SEC13: variants seen among roughly 807,000 people sequenced by gnomAD.
SEC13 encodes the protein protein SEC13 homolog.
In SEC13, 25 loss-of-function variants were observed where a neutral mutation model predicts 49.2. The observed-to-expected ratio is 0.51, with a 90% confidence interval of 0.37 to 0.71. SEC13 has a LOEUF of 0.71. SEC13 is among the 30% of genes least tolerant of loss of function. The probability of loss-of-function intolerance (pLI) is 0.00; values close to 1 mark genes in which losing one functional copy is unlikely to be tolerated. For missense variants in SEC13, 383 were observed against 417.6 expected (o/e 0.92, Z 0.72); for synonymous variants, 148 against 163.9 (o/e 0.90, Z 0.74).
chr3:10,313,285 T>A (rs1701397771), intron 3 of SEC13: 1 of 354,586 alleles, frequency 2.8e-6, no homozygotes, highest in Non-Finnish European at 6.2e-6. Context: ...GTGCCAGGCT[T>A]TGTACGGTGA....
At chr3:10,307,523 A>G (rs1176708021) in intron 5 of SEC13, among the ~76,000 whole-genome samples, 1 of 143,740 alleles carries the variant, frequency 7.0e-6, no homozygotes, top group Non-Finnish European at 1.6e-5. Context: ...CAATCATGGC[A>G]GAAGGCAAGG....
chr3:10,312,149 A>T (rs1303822555), intron 4 of SEC13, 51 bp from the exon 5 acceptor site: 12 of 1,535,100 alleles, frequency 7.8e-6, no homozygotes, highest in Non-Finnish European at 9.7e-6. Context: ...CCGCGGCCCC[A>T]GGTCCCGCCT....
intron 1 of SEC13, 73 bp from the exon 2 acceptor site, chr3:10,318,167 ATTTG>A: frequency 9.8e-7 from 1 of 1,023,098 alleles, no homozygotes; most frequent in Non-Finnish European, 1.5e-6. Context: ...TCTTGACTGC[ATTTG>A]TTTGTTCACT....
intron 6 of SEC13, 177 bp downstream of exon 6, chr3:10,305,382 T>G: frequency 9.8e-7 from 1 of 1,021,852 alleles, no homozygotes; most frequent in East Asian, 2.5e-5. Flanking sequence ...GGGAATTAGG[T>G]GAACAGGTGT....
At chr3:10,307,409 G>A (rs1352073053) in intron 5 of SEC13, among the ~76,000 whole-genome samples, 1 of 151,938 alleles carries the variant, frequency 6.6e-6, no homozygotes, top group Non-Finnish European at 1.5e-5. Flanking sequence ...GGGTGTGTTA[G>A]TCCATTTTCA....
intron 3 of SEC13, 75 bp from the exon 4 acceptor site, chr3:10,312,805 C>A: frequency 6.9e-7 from 1 of 1,453,336 alleles, no homozygotes. Flanking sequence ...CTAAATGGCT[C>A]CCTGAGACGA....
At chr3:10,302,224 C>T (rs1026830130) in intron 8 of SEC13, among the ~76,000 whole-genome samples, 5 of 152,076 alleles carry the variant, frequency 3.3e-5, no homozygotes, top group African/African-American at 9.7e-5. Flanking sequence ...GACGACAGAG[C>T]GAGACTCGAT....
chr3:10,312,156 G>C (rs1388005265), intron 4 of SEC13, 58 bp from the exon 5 acceptor site: 15 of 1,521,740 alleles, frequency 9.9e-6, no homozygotes, highest in Non-Finnish European at 1.3e-5. Flanking sequence ...CCCAGGTCCC[G>C]CCTTCCACAG....
At chr3:10,311,928 G>A (rs1359378577) in intron 5 of SEC13, 37 bp downstream of exon 5, 4 of 1,614,098 alleles carry the variant, frequency 2.5e-6, no homozygotes, top group South Asian at 2.2e-5. Flanking sequence ...GGCAAGGCAG[G>A]CGCTCTCACT....
intron 3 of SEC13, chr3:10,314,804 T>C (rs1459372546): frequency 6.5e-6 from 1 of 153,380 alleles, no homozygotes; most frequent in Non-Finnish European, 1.5e-5. Flanking sequence ...GGCAGAACAA[T>C]GGGATTTATA....
intron 1 of SEC13, among the ~76,000 whole-genome samples, chr3:10,320,136 A>C (rs753820858): frequency 1.3e-5 from 2 of 152,108 alleles, no homozygotes; most frequent in South Asian, 4.2e-4. Context: ...TTAAAAATTC[A>C]TTTAGGATGA....
rs780204207 is a variant in SEC13 at position 10,311,958 on chromosome 3, G to C, written c.450+7C>G. 6.8e-6 allele frequency: 11 copies of C among 1,614,106 alleles called. No individual in the cohort carries two copies. The highest frequency in any genetic ancestry group is 1.7e-5 in the Admixed American group (1 of 60,004). ...CTCACTGCACGAAAGGCAGGGGATG[G>C]ACTCACGGTGTGAGCGTTGTTGATC... On this transcript the variant is annotated splice_region_variant and intron_variant, in intron 5 of 8. Transcript: ENST00000350697.
At chr3:10,306,774 C>T (rs1700902692) in intron 5 of SEC13, among the ~76,000 whole-genome samples, 1 of 152,224 alleles carries the variant, frequency 6.6e-6, no homozygotes, top group South Asian at 2.1e-4. Context: ...TTTTTCTGCA[C>T]AAGCTCTCTC....
intron 5 of SEC13, among the ~76,000 whole-genome samples, chr3:10,308,433 T>A (rs560277868): frequency 6.6e-6 from 1 of 152,386 alleles, no homozygotes; most frequent in African/African-American, 2.4e-5. Context: ...GCTCGCAGTA[T>A]TTCCAAAGTA....
chr3:10,310,855 C>A (rs993641055), intron 5 of SEC13, among the ~76,000 whole-genome samples: 17 of 152,082 alleles, frequency 1.1e-4, no homozygotes, highest in Non-Finnish European at 2.9e-5. Flanking sequence ...TCTATATTCA[C>A]AATGGAGTAT....
chr3:10,304,225 T>C, intron 7 of SEC13, 53 bp from the exon 8 acceptor site: 1 of 1,591,106 alleles, frequency 6.3e-7, no homozygotes, highest in East Asian at 2.2e-5. Flanking sequence ...CCTGCGTTTG[T>C]GATGTGATGT....
chr3:10,313,709 G>A (rs539323373), intron 3 of SEC13: 1 of 192,930 alleles, frequency 5.2e-6, no homozygotes, highest in South Asian at 1.0e-4. Flanking sequence ...AAAGAATGGG[G>A]TGGGAATTTT....
At chr3:10,303,851 A>G in intron 8 of SEC13, 175 bp downstream of exon 8, 1 of 680,126 alleles carries the variant, frequency 1.5e-6, no homozygotes, top group Non-Finnish European at 2.6e-6. Flanking sequence ...ACGTGTTAAT[A>G]CTACCTCAGG....
chr3:10,320,475 G>A (rs1291889710), intron 1 of SEC13: 1 of 980,438 alleles, frequency 1.0e-6, no homozygotes, highest in Non-Finnish European at 1.2e-6. Context: ...GGTCGTTCAG[G>A]CCATCTTTAC....
Sources: allele counts gnomAD v4.1 joint callset (sites outside exome capture counted in the v4.1 genomes callset), GRCh38; gene constraint gnomAD v4.1.1; transcripts MANE v1.5; gene names NCBI Gene and HGNC (gene_info 2026-07-23, HGNC 2026-07-21).